Variants in PCDHGA9 observed in about 807,000 individuals in gnomAD.
PCDHGA9 encodes protocadherin gamma-A9.
In PCDHGA9, 37 loss-of-function variants were observed where a neutral mutation model predicts 62.5. That is an observed-to-expected ratio of 0.59 (90% CI 0.46 to 0.78). The LOEUF (loss-of-function observed/expected upper bound fraction) is 0.78, where lower values mean the gene tolerates loss of function less well. Among genes scored for constraint, PCDHGA9 ranks in the 30% least tolerant of loss-of-function variants. The probability of loss-of-function intolerance (pLI) is 0.00; values close to 1 mark genes in which losing one functional copy is unlikely to be tolerated. For synonymous variants in PCDHGA9, 459 were observed against 484.6 expected, an observed-to-expected ratio of 0.95 and a Z score of 0.69; for missense variants, 1,138 against 1,166.2, an observed-to-expected ratio of 0.98 and a Z score of 0.35.
intron 1 of PCDHGA9, chr5:141,423,051 CCTG>C (rs771403541): frequency 2.5e-6 from 4 of 1,614,208 alleles, no homozygotes; most frequent in Admixed American, 1.7e-5. Flanking sequence ...TGTCCTATCG[CCTG>C]CTTAAGGCCA....
intron 1 of PCDHGA9, chr5:141,413,423 C>A (rs770419729): frequency 6.2e-7 from 1 of 1,614,078 alleles, no homozygotes; most frequent in Non-Finnish European, 8.5e-7. Flanking sequence ...TCTCTGAACC[C>A]GCGCAGCGGC....
chr5:141,471,208 C>G (rs559571022), intron 1 of PCDHGA9: 1 of 151,664 alleles, frequency 6.6e-6, no homozygotes, highest in Non-Finnish European at 1.5e-5. Context: ...CACCCCCATG[C>G]CTGGCAATTT....
At chr5:141,445,342 T>C (rs1026595756) in intron 1 of PCDHGA9, among the ~76,000 whole-genome samples, 4 of 152,202 alleles carry the variant, frequency 2.6e-5, no homozygotes, top group African/African-American at 9.6e-5. Flanking sequence ...ACAGTAAACA[T>C]TGGTGTCTGC....
intron 1 of PCDHGA9, among the ~76,000 whole-genome samples, chr5:141,468,952 G>GT (rs34870721): frequency 0.24 from 35,946 of 151,248 alleles, 4,442 homozygotes; most frequent in Admixed American, 0.32. Flanking sequence ...TAAACCTGTG[G>GT]TTTTTTTTAC....
chr5:141,465,688 G>C (rs1386213425), intron 1 of PCDHGA9, among the ~76,000 whole-genome samples: 1 of 152,086 alleles, frequency 6.6e-6, no homozygotes, highest in African/African-American at 2.4e-5. Context: ...TGACCAGTCT[G>C]CTTTTGCATT....
At chr5:141,459,215 G>C (rs2098963353) in intron 1 of PCDHGA9, among the ~76,000 whole-genome samples, 1 of 152,112 alleles carries the variant, frequency 6.6e-6, no homozygotes, top group South Asian at 2.1e-4. Flanking sequence ...TACTTCTCCA[G>C]CTCCAGGCAA....
chr5:141,427,982 G>T, intron 1 of PCDHGA9: 1 of 1,596,752 alleles, frequency 6.3e-7, no homozygotes, highest in African/African-American at 1.3e-5. Flanking sequence ...CCGCGCTGGG[G>T]CCCGATGGCT....
intron 1 of PCDHGA9, chr5:141,412,954 C>A (rs2095592297): frequency 2.1e-6 from 1 of 482,442 alleles, no homozygotes; most frequent in Non-Finnish European, 3.6e-6. Flanking sequence ...CGCCGCTGTT[C>A]ACCTACTAGG....
rs376067853 is a variant in PCDHGA9, at chr5:141,408,397, G to C, written c.2424+3021G>C. 261 of 1,614,068 alleles carry C rather than the reference G, an allele frequency of 1.6e-4. 1 individual carries two copies. In the East Asian group the frequency reaches 5.2e-3, roughly 32 times the overall value. On this transcript the variant is annotated intron_variant, in intron 1 of 3. Coordinates refer to ENST00000573521, the MANE Select transcript of PCDHGA9 (RefSeq NM_018921.3). The stretch of plus-strand genomic sequence containing the variant: ...GTGTCCTGGATGTGTCGGCTCGCAA[G>C]CTGCGAGTGAGCGCGGAGAAGCTGC...
intron 1 of PCDHGA9, chr5:141,468,346 AAAAG>A (rs2099164910): frequency 6.8e-6 from 1 of 147,210 alleles, no homozygotes; most frequent in South Asian, 2.2e-4. Flanking sequence ...AAAAAAAAAA[AAAAG>A]AAAGAAAAAA....
Position 141,476,267 on chromosome 5 carries a change from G to A in PCDHGA9, c.2425-18540G>A, listed in dbSNP as rs373758158. The A allele has an allele frequency of 6.8e-6, 11 of 1,613,938 alleles. No homozygotes were observed. Among genetic ancestry groups the A allele is most frequent in the African/African-American group, 1.3e-5 (1 of 74,884 alleles). On this transcript the variant is annotated intron_variant, in intron 1 of 3. Transcript: ENST00000573521. The surrounding 1 kb of genome is among the most constrained non-coding windows in gnomAD (Gnocchi z 7.6). ...GAAGGGTTTCGCTGTGGGCAACGTG[G>A]TCGCGAACCTTGGTTTGGATCTCGG...
intron 1 of PCDHGA9, chr5:141,422,556 G>A: frequency 6.2e-7 from 1 of 1,613,908 alleles, no homozygotes; most frequent in Non-Finnish European, 8.5e-7. Flanking sequence ...GGCTGAATGT[G>A]GCAGATGACA....
At chr5:141,504,594 C>T (rs2099839378) in intron 2 of PCDHGA9, among the ~76,000 whole-genome samples, 2 of 140,288 alleles carry the variant, frequency 1.4e-5, no homozygotes, top group South Asian at 4.4e-4. Context: ...GGATTCACAG[C>T]AAGAGGGAAC....
In PCDHGA9 at chr5:141,485,798, C is replaced by T. The variant is rs764109672; in HGVS notation, c.2425-9009C>T. The T allele has an allele frequency of 2.0e-5, 32 of 1,614,172 alleles. No individual in the cohort carries two copies. The highest frequency in any genetic ancestry group is 1.1e-4 in the East Asian group (5 of 44,876). ...GGATCGAGAGAAGCAATCGGACTAC[C>T]GCCTGGTGCTGACTGCTGTCGATGG... is the stretch of plus-strand genomic sequence containing the variant. On this transcript the variant is annotated intron_variant, in intron 1 of 3. Coordinates refer to ENST00000573521, the MANE Select transcript of PCDHGA9 (RefSeq NM_018921.3). The surrounding 1 kb of genome is among the most constrained non-coding windows in gnomAD (Gnocchi z 5.7).
rs752660538 is a variant in PCDHGA9 at position 141,486,495 on chromosome 5, T to C, written c.2425-8312T>C. 1 of 1,614,074 alleles carries C rather than the reference T, an allele frequency of 6.2e-7. No individual in the cohort carries two copies. The highest frequency in any genetic ancestry group is 8.5e-7 in the Non-Finnish European group (1 of 1,179,922). On this transcript the variant is annotated intron_variant, in intron 1 of 3. Transcript: ENST00000573521. The surrounding 1 kb of genome is among the most constrained non-coding windows in gnomAD (Gnocchi z 5.0). ...CCTCCTCTCAGTACCCACAGAACTA[T>C]TTTCCTCAATATTTCAGATGTGAAT...
intron 1 of PCDHGA9, among the ~76,000 whole-genome samples, chr5:141,456,244 T>C (rs1382294283): frequency 6.6e-6 from 1 of 152,144 alleles, no homozygotes; most frequent in East Asian, 1.9e-4. Context: ...GTTAGGAGGC[T>C]TTGGGCGACC....
chr5:141,404,026 A>T lies in PCDHGA9; in HGVS notation c.1074A>T (p.Glu358Asp). 1 of 1,613,874 alleles carries T rather than the reference A, an allele frequency of 6.2e-7. No individual in the cohort carries two copies. The highest frequency in any genetic ancestry group is 8.5e-7 in the Non-Finnish European group (1 of 1,179,852). ...TITSLFSPVR[E>D]DAPQGTVILL... ...CATCTCTGTTTAGCCCAGTGAGAGA[A>T]GACGCACCTCAGGGAACAGTAATTC... Residue 358 changes from glutamate to aspartate, a missense_variant, in exon 1 of 4, where the codon GAA (glutamate) becomes GAT (aspartate). Glu to Asp is a conservative substitution (Grantham distance 45, BLOSUM62 2). Transcript: ENST00000573521.
chr5:141,410,726 A>G, intron 1 of PCDHGA9: 4 of 1,376,038 alleles, frequency 2.9e-6, no homozygotes, highest in Non-Finnish European at 3.9e-6. Context: ...TTTAAAATCC[A>G]TAGCTTTTTA....
At position 141,509,122 on chromosome 5, in the gene PCDHGA9, G is replaced by A. The variant is rs2099875312; in HGVS notation, c.2573-1825G>A. 2.0e-5 allele frequency among the ~76,000 whole-genome samples: 3 copies of A among 152,154 alleles called. No homozygotes were observed. In the South Asian group the frequency reaches 6.2e-4, roughly 32 times the overall value. The stretch of plus-strand genomic sequence containing the variant: ...AGAAACCTGAGCGCTGGTGCGTGAA[G>A]AGAAAAACCGAGGCGCATCCCGGCT... On this transcript the variant is annotated intron_variant, in intron 3 of 3. Transcript: ENST00000573521.
Sources: gnomAD v4.1 joint callset for allele counts (sites outside exome capture counted in the v4.1 genomes callset) on GRCh38, gnomAD v4.1.1 for gene constraint, Gnocchi (gnomAD v3.1) non-coding constraint, MANE v1.5 for transcripts, NCBI Gene and HGNC (gene_info 2026-07-23, HGNC 2026-07-21) for gene names.